ZNF592: variants seen among roughly 807,000 people sequenced by gnomAD.
ZNF592 encodes the protein spinocerebellar ataxia, autosomal recessive 5.
In ZNF592, 11 loss-of-function variants were observed where a neutral mutation model predicts 80.3. That is an observed-to-expected ratio of 0.14 (90% CI 0.09 to 0.23). ZNF592 has a LOEUF of 0.23. Among genes scored for constraint, ZNF592 ranks in the 10% least tolerant of loss-of-function variants. ZNF592 has a pLI of 1.00. For synonymous variants in ZNF592, 646 were observed against 640.3 expected, an observed-to-expected ratio of 1.01 and a Z score of -0.13; for missense variants, 1,420 against 1,633.9, an observed-to-expected ratio of 0.87 and a Z score of 2.26.
chr15:84,759,021 C>T (rs1899265929), intron 1 of ZNF592, among the ~76,000 whole-genome samples: 1 of 152,152 alleles, frequency 6.6e-6, no homozygotes, highest in African/African-American at 2.4e-5. Flanking sequence ...TACCTTAAAG[C>T]CTCTTCTTAT....
In ZNF592 at chr15:84,782,965, G is replaced by T. The variant is rs577792115; in HGVS notation, c.290G>T (p.Gly97Val). The change falls in exon 4 of 11, where the codon GGC becomes GTC. Residue 97 changes from glycine to valine, a missense_variant. Gly to Val is a moderately radical substitution (Grantham distance 109, BLOSUM62 -3). Transcript: ENST00000560079. The stretch of plus-strand genomic sequence containing the variant: ...AGTCTCCTACACAATGGATTCCGGG[G>T]CTCAGATCTGCCTCCAGATCCCCAC... Reference protein sequence around the residue: ...TPSLLHNGFRGSDLPPDPHNC... With the variant: ...TPSLLHNGFRVSDLPPDPHNC... 3.7e-6 allele frequency: 6 copies of T among 1,614,102 alleles called. No homozygotes were observed. Among genetic ancestry groups the T allele is most frequent in the Non-Finnish European group, 4.2e-6 (5 of 1,180,024 alleles).
intron 1 of ZNF592, among the ~76,000 whole-genome samples, chr15:84,762,486 G>T (rs1033181627): frequency 1.1e-4 from 17 of 152,224 alleles, no homozygotes; most frequent in African/African-American, 4.1e-4. Context: ...GCTGGGGAGG[G>T]TTTAAGGAAC....
In ZNF592 at chr15:84,802,536, A is replaced by T. The variant is rs553071876; in HGVS notation, c.*143A>T. 4 of 972,396 alleles carry T rather than the reference A, an allele frequency of 4.1e-6. No homozygotes were observed. In the African/African-American group the frequency reaches 6.4e-5, roughly 16 times the overall value. The allele number at this position is 972,396 out of a possible 1,614,324, so 60.2% of individuals were successfully genotyped here. ...GGAGTAGTGTCTGCCCTGAGCTGCC[A>T]GTGCTGGGTATCCCCCAGCCCCAGG... is the stretch of plus-strand genomic sequence containing the variant. On this transcript the variant is annotated 3_prime_UTR_variant, in exon 11 of 11. Coordinates refer to ENST00000560079, the MANE Select transcript of ZNF592 (RefSeq NM_014630.3).
chr15:84,754,703 T>C (rs922600777), intron 1 of ZNF592, among the ~76,000 whole-genome samples: 1 of 145,798 alleles, frequency 6.9e-6, no homozygotes, highest in Non-Finnish European at 1.5e-5. Flanking sequence ...ACCCCGTCTC[T>C]TAAAAAAAAA....
At chr15:84,791,579 C>CT (rs1220010800) in intron 5 of ZNF592, among the ~76,000 whole-genome samples, 12 of 152,034 alleles carry the variant, frequency 7.9e-5, no homozygotes, top group South Asian at 4.1e-4. Context: ...GTTCATTTGA[C>CT]TTTTTTGTGT....
At chr15:84,787,043 G>A (rs748977226) in intron 4 of ZNF592, among the ~76,000 whole-genome samples, 12 of 151,972 alleles carry the variant, frequency 7.9e-5, no homozygotes, top group Admixed American at 5.2e-4. Context: ...TAGAGATGGA[G>A]TTTTGCCATG....
rs1899450032 is a variant in ZNF592, at chr15:84,764,693, TC to T, written c.-258-13del. ...ACCCACTTAAAAAAAATTTTGTTTT[TC>T]TTCTTTCCTTAGGTGGTGTTTGGAC... On this transcript the variant is annotated splice_polypyrimidine_tract_variant and intron_variant, in intron 1 of 10. Transcript: ENST00000560079. 1 of 398,860 alleles carries T rather than the reference TC, an allele frequency of 2.5e-6. No individual in the cohort carries two copies. 24.7% of individuals were successfully genotyped at this position (398,860 alleles called of 1,614,324 possible). A position where few individuals can be genotyped will look rare whatever the true frequency, so the allele number is the denominator to read the frequency against.
intron 1 of ZNF592, among the ~76,000 whole-genome samples, chr15:84,760,213 C>T (rs943068385): frequency 6.6e-6 from 1 of 152,132 alleles, no homozygotes; most frequent in Non-Finnish European, 1.5e-5. Context: ...TGTACTCTTT[C>T]GTCTTAGAGT....
chr15:84,790,691 G>A lies in ZNF592; in HGVS notation c.2221-14G>A, dbSNP rs1240332629. ...GGCCCCTGCATGATCTGCTTTCTTGGTGTTCTTTCCTAGACCTGCCAGGTA... is the reference window on the plus strand; with the variant it reads ...GGCCCCTGCATGATCTGCTTTCTTGATGTTCTTTCCTAGACCTGCCAGGTA... On this transcript the variant is annotated splice_polypyrimidine_tract_variant and intron_variant, in intron 4 of 10. Coordinates refer to ENST00000560079, the MANE Select transcript of ZNF592 (RefSeq NM_014630.3). 6.2e-7 allele frequency: 1 copy of A among 1,614,152 alleles called. No homozygotes were observed. Among genetic ancestry groups the A allele is most frequent in the Non-Finnish European group, 8.5e-7 (1 of 1,180,014 alleles).
In ZNF592 at chr15:84,799,279, CT is replaced by C; in HGVS notation, c.3137+73del. The C allele has an allele frequency of 7.1e-7, 1 of 1,416,174 alleles. No homozygotes were observed. The highest frequency in any genetic ancestry group is 1.1e-5 in the South Asian group (1 of 87,046). 87.7% of individuals were successfully genotyped at this position (1,416,174 alleles called of 1,614,324 possible). ...GACTCTGTCCGTGGCACCACTGGGG[CT>C]TTTCTGTGCTGCAAGATCAGGTGTC... On this transcript the variant is annotated intron_variant, in intron 9 of 10. Coordinates refer to ENST00000560079, the MANE Select transcript of ZNF592 (RefSeq NM_014630.3). This position sits in a 1 kb window ranked among gnomAD's most constrained non-coding sequence, Gnocchi z 4.2.
intron 10 of ZNF592, 131 bp downstream of exon 10, chr15:84,800,108 C>T: frequency 7.1e-7 from 1 of 1,404,332 alleles, no homozygotes; most frequent in Non-Finnish European, 1.0e-6. Flanking sequence ...GGGTCACTCT[C>T]TAGTCCTGTG....
Position 84,805,652 on chromosome 15 carries a change from T to C in ZNF592, c.*3259T>C, listed in dbSNP as rs1467142877. ...ATTTGATAATTGTGGCCCAGTAAGCTCAACACTTTGCCTTCCCCAAGACTG... is the reference window on the plus strand; with the variant it reads ...ATTTGATAATTGTGGCCCAGTAAGCCCAACACTTTGCCTTCCCCAAGACTG... On this transcript the variant is annotated 3_prime_UTR_variant, in exon 11 of 11. Coordinates refer to ENST00000560079, the MANE Select transcript of ZNF592 (RefSeq NM_014630.3). 1 of 152,654 alleles carries C rather than the reference T, an allele frequency of 6.6e-6. No individual in the cohort carries two copies. Among genetic ancestry groups the C allele is most frequent in the Admixed American group, 6.5e-5 (1 of 15,290 alleles). The allele number at this position is 152,654 out of a possible 1,614,324, so 9.5% of individuals were successfully genotyped here. A position where few individuals can be genotyped will look rare whatever the true frequency, so the allele number is the denominator to read the frequency against.
At position 84,783,624 on chromosome 15, in the gene ZNF592, G is replaced by C; in HGVS notation, c.949G>C (p.Glu317Gln). 1 of 1,614,194 alleles carries C rather than the reference G, an allele frequency of 6.2e-7. No homozygotes were observed. Among genetic ancestry groups the C allele is most frequent in the Non-Finnish European group, 8.5e-7 (1 of 1,180,032 alleles). ...AAAGGATCTCTCAGGGCCCACTAAA[G>C]AGAGTTCTAAAGGTAGCCCCAAAAT... The part of the protein sequence containing the change: ...HTKDLSGPTK[E>Q]SSKGSPKMPK... Residue 317 changes from glutamate to glutamine, a missense_variant, in exon 4 of 11, where the codon GAG becomes CAG. Glu to Gln is a conservative substitution (Grantham distance 29, BLOSUM62 2). Transcript: ENST00000560079. This position sits in a 1 kb window ranked among gnomAD's most constrained non-coding sequence, Gnocchi z 5.0.
chr15:84,749,339 G>T (rs569806165), intron 1 of ZNF592, among the ~76,000 whole-genome samples: 1 of 152,330 alleles, frequency 6.6e-6, no homozygotes, highest in African/African-American at 2.4e-5. Flanking sequence ...GGGAGGACAG[G>T]AGAGCGTCTG....
intron 5 of ZNF592, among the ~76,000 whole-genome samples, chr15:84,791,291 A>G (rs1962741286): frequency 6.6e-6 from 1 of 152,232 alleles, no homozygotes; most frequent in Admixed American, 6.5e-5. Context: ...TGGGGCTGCA[A>G]GATGCCAAAC....
chr15:84,784,537 C>A lies in ZNF592; in HGVS notation c.1862C>A (p.Ser621Tyr). The change falls in exon 4 of 11, where the codon TCC becomes TAC. Residue 621 changes from serine to tyrosine, a missense_variant. Around this residue, in one of 7 missense-constraint regions of ZNF592, gnomAD observed 524 missense variants for 628.3 expected, o/e 0.83. Coordinates refer to ENST00000560079, the MANE Select transcript of ZNF592 (RefSeq NM_014630.3). The surrounding 1 kb of genome is among the most constrained non-coding windows in gnomAD (Gnocchi z 5.8). Reference sequence around the variant, plus strand: ...ATTGAGGTACTGTGCACACTGTGCTCCAAGACGCTGCTCTTCTTCAACAAG... The same window carrying A: ...ATTGAGGTACTGTGCACACTGTGCTACAAGACGCTGCTCTTCTTCAACAAG... ...VHIEVLCTLC[S>Y]KTLLFFNKCS... 2.5e-6 allele frequency: 4 copies of A among 1,614,188 alleles called. No individual in the cohort carries two copies. The highest frequency in any genetic ancestry group is 3.4e-6 in the Non-Finnish European group (4 of 1,180,048).
At chr15:84,769,804 G>A (rs962875790) in intron 2 of ZNF592, among the ~76,000 whole-genome samples, 1 of 152,178 alleles carries the variant, frequency 6.6e-6, no homozygotes, top group Non-Finnish European at 1.5e-5. Context: ...TCACTGTGTT[G>A]CCTAGGCTGG....
At chr15:84,773,715 C>G (rs1962158241) in intron 2 of ZNF592, among the ~76,000 whole-genome samples, 1 of 151,894 alleles carries the variant, frequency 6.6e-6, no homozygotes, top group Non-Finnish European at 1.5e-5. Context: ...TATACTTTCC[C>G]CTTTCTCCTA....
chr15:84,761,410 G>C (rs1445636868), intron 1 of ZNF592, among the ~76,000 whole-genome samples: 1 of 152,242 alleles, frequency 6.6e-6, no homozygotes, highest in African/African-American at 2.4e-5. Flanking sequence ...GCAGACATGG[G>C]ATGGAGCAGA....
Sources: gnomAD v4.1 joint callset for allele counts (sites outside exome capture counted in the v4.1 genomes callset) on GRCh38, gnomAD v4.1.1 for gene constraint, gnomAD v4.1.1 regional missense constraint, Gnocchi (gnomAD v3.1) non-coding constraint, MANE v1.5 for transcripts, NCBI Gene and HGNC (gene_info 2026-07-23, HGNC 2026-07-21) for gene names.